RAPGEF2: variants seen among roughly 807,000 people sequenced by gnomAD.
The protein encoded by RAPGEF2 is Rap guanine nucleotide exchange factor 2, also known as PDZ domain containing guanine nucleotide exchange factor (GEF) 1.
A neutral mutation model predicts 186.7 loss-of-function variants in RAPGEF2; 54 were observed. That is an observed-to-expected ratio of 0.29 (90% CI 0.23 to 0.36). The LOEUF (loss-of-function observed/expected upper bound fraction) is 0.36, where lower values mean the gene tolerates loss of function less well. Among genes scored for constraint, RAPGEF2 ranks in the 10% least tolerant of loss-of-function variants. The pLI, the probability that RAPGEF2 is intolerant of heterozygous loss-of-function variation, is 1.00. For synonymous variants in RAPGEF2, 712 were observed against 705.9 expected, an observed-to-expected ratio of 1.01 and a Z score of -0.14; for missense variants, 1,532 against 2,045.0, an observed-to-expected ratio of 0.75 and a Z score of 4.84.
chr4:159,109,040 C>A (rs1365969024), intron 1 of RAPGEF2, among the ~76,000 whole-genome samples: 2 of 151,876 alleles, frequency 1.3e-5, no homozygotes, highest in African/African-American at 4.8e-5. Context: ...ATTTGAAATT[C>A]AAGTTGCATA....
chr4:159,285,376 T>G (rs1760319534), intron 7 of RAPGEF2, among the ~76,000 whole-genome samples: 1 of 152,220 alleles, frequency 6.6e-6, no homozygotes, highest in Non-Finnish European at 1.5e-5. Context: ...TGAATTACAG[T>G]CTAAAGGGAG....
At chr4:159,219,962 G>T (rs1751380252) in intron 4 of RAPGEF2, among the ~76,000 whole-genome samples, 1 of 152,202 alleles carries the variant, frequency 6.6e-6, no homozygotes, top group South Asian at 2.1e-4. Flanking sequence ...TCCTCCTCAT[G>T]TGCTATCAAA....
At chr4:159,226,089 C>G (rs1264559886) in intron 4 of RAPGEF2, among the ~76,000 whole-genome samples, 1 of 151,936 alleles carries the variant, frequency 6.6e-6, no homozygotes, top group Non-Finnish European at 1.5e-5. Context: ...TCATGTTTTT[C>G]TTCTAGAAAG....
intron 8 of RAPGEF2, among the ~76,000 whole-genome samples, chr4:159,309,406 A>C (rs750471189): frequency 6.6e-6 from 1 of 151,942 alleles, no homozygotes; most frequent in Non-Finnish European, 1.5e-5. Flanking sequence ...TCTTGTCTCT[A>C]TTTTTTCCCC....
chr4:159,351,772 T>G (rs941936442), intron 26 of RAPGEF2, among the ~76,000 whole-genome samples: 1 of 151,926 alleles, frequency 6.6e-6, no homozygotes, highest in East Asian at 1.9e-4. Context: ...GTGAAACCCC[T>G]GTCTCTAGTA....
chr4:159,348,535 G>A (rs957331362), intron 25 of RAPGEF2, among the ~76,000 whole-genome samples: 9 of 152,082 alleles, frequency 5.9e-5, no homozygotes, highest in Admixed American at 6.5e-5. Flanking sequence ...AAATATTTGT[G>A]TTGATCCTCT....
chr4:159,259,777 T>C (rs1371088328), intron 7 of RAPGEF2, among the ~76,000 whole-genome samples: 1 of 152,164 alleles, frequency 6.6e-6, no homozygotes, highest in Non-Finnish European at 1.5e-5. Context: ...GGAAGTGTTT[T>C]GGTAATATTT....
intron 1 of RAPGEF2, among the ~76,000 whole-genome samples, chr4:159,116,063 C>T (rs1198054419): frequency 1.3e-5 from 2 of 152,118 alleles, no homozygotes; most frequent in East Asian, 3.8e-4. Context: ...AAAGCAATTG[C>T]AGCAAAAGCA....
intron 1 of RAPGEF2, among the ~76,000 whole-genome samples, chr4:159,165,002 A>ATTTTTT (rs1245561243): frequency 1.3e-5 from 2 of 152,182 alleles, no homozygotes; most frequent in Non-Finnish European, 2.9e-5. Context: ...TAGTAGAGGA[A>ATTTTTT]TATATTCTGC....
At chr4:159,250,122 C>G (rs975202947) in intron 7 of RAPGEF2, among the ~76,000 whole-genome samples, 1 of 152,110 alleles carries the variant, frequency 6.6e-6, no homozygotes, top group African/African-American at 2.4e-5. Flanking sequence ...ATAGCAGTTT[C>G]TTATGGACTC....
Position 159,183,502 on chromosome 4 carries a change from G to T in RAPGEF2, c.70-3140G>T, listed in dbSNP as rs917629137. On this transcript the variant is annotated intron_variant, in intron 1 of 29. Coordinates refer to ENST00000691494, the MANE Select transcript of RAPGEF2 (RefSeq NM_001394067.2). ...AGTAAATCATTGGGATCTTGGATTA[G>T]GTAATGGTTTCTTAAATATTACTCT... 4.6e-5 allele frequency among the ~76,000 whole-genome samples: 7 copies of T among 152,210 alleles called. No individual in the cohort carries two copies. In the East Asian group the frequency reaches 1.4e-3, roughly 29 times the overall value.
rs6847901 is a variant in RAPGEF2 at position 159,195,133 on chromosome 4, A to G, written c.197+1877A>G. ...ATCCATCTCAAGCTTAAAAGAACCT[A>G]CACCAAATATAGAGTCGTAAATAAT... On this transcript the variant is annotated intron_variant, in intron 3 of 29. Transcript: ENST00000691494. Among the ~76,000 whole-genome samples, 258 of 152,340 alleles carry G rather than the reference A, an allele frequency of 1.7e-3. 2 individuals carry two copies. The highest frequency in any genetic ancestry group is 5.8e-3 in the African/African-American group (243 of 41,588).
chr4:159,314,900 G>A, intron 9 of RAPGEF2, 132 bp downstream of exon 9: 1 of 860,502 alleles, frequency 1.2e-6, no homozygotes, highest in Non-Finnish European at 1.6e-6. Flanking sequence ...TGTATAAACA[G>A]TAGTATTTGT....
intron 4 of RAPGEF2, among the ~76,000 whole-genome samples, chr4:159,226,623 GT>G (rs1752063167): frequency 6.6e-6 from 1 of 152,144 alleles, no homozygotes; most frequent in African/African-American, 2.4e-5. Context: ...CTCCATTTAA[GT>G]TTTCTAGAAT....
At chr4:159,163,266 CAG>C (rs1382519695) in intron 1 of RAPGEF2, among the ~76,000 whole-genome samples, 8 of 152,112 alleles carry the variant, frequency 5.3e-5, no homozygotes, top group Non-Finnish European at 1.2e-4. Context: ...GCAATTGTGA[CAG>C]AATTTTTTCC....
chr4:159,122,458 G>A lies in RAPGEF2; in HGVS notation c.69+18227G>A, dbSNP rs147131268. The stretch of plus-strand genomic sequence containing the variant: ...TGCACCACAGCACTCCAGCCTGGGC[G>A]ACAGAGCAAGACTTTGTCTCAAAAA... On this transcript the variant is annotated intron_variant, in intron 1 of 29. Coordinates refer to ENST00000691494, the MANE Select transcript of RAPGEF2 (RefSeq NM_001394067.2). Among the ~76,000 whole-genome samples, 409 of 151,604 alleles carry A rather than the reference G, an allele frequency of 2.7e-3. 1 individual carries two copies. Among genetic ancestry groups the A allele is most frequent in the African/African-American group, 9.2e-3 (380 of 41,286 alleles).
At chr4:159,199,792 C>G (rs528171244) in intron 3 of RAPGEF2, among the ~76,000 whole-genome samples, 6 of 152,188 alleles carry the variant, frequency 3.9e-5, no homozygotes, top group Non-Finnish European at 8.8e-5. Context: ...GAATTTGACT[C>G]TGTCTCTGGG....
At chr4:159,262,801 C>G (rs1380228924) in intron 7 of RAPGEF2, among the ~76,000 whole-genome samples, 1 of 151,366 alleles carries the variant, frequency 6.6e-6, no homozygotes, top group Non-Finnish European at 1.5e-5. Flanking sequence ...AATCAGATGC[C>G]ACATAAACAG....
At chr4:159,156,698 T>G (rs1234877544) in intron 1 of RAPGEF2, among the ~76,000 whole-genome samples, 1 of 152,140 alleles carries the variant, frequency 6.6e-6, no homozygotes, top group African/African-American at 2.4e-5. Flanking sequence ...ATCCAAGTGA[T>G]CTCATTGTTC....
Sources: allele counts gnomAD v4.1 joint callset (sites outside exome capture counted in the v4.1 genomes callset), GRCh38; gene constraint gnomAD v4.1.1; transcripts MANE v1.5; gene names NCBI Gene and HGNC (gene_info 2026-07-23, HGNC 2026-07-21).